Variants in OR3A2 observed in about 807,000 individuals in gnomAD.
The protein encoded by OR3A2 is olfactory receptor 3A2.
For synonymous variants in OR3A2, 126 were observed against 159.3 expected (o/e 0.79, Z 1.57); for missense variants, 318 against 392.8 (o/e 0.81, Z 1.61).
chr17:3,301,918 C>T (rs2048969154), intron 3 of OR3A2, among the ~76,000 whole-genome samples: 1 of 152,028 alleles, frequency 6.6e-6, no homozygotes, highest in South Asian at 2.1e-4. Context: ...ATTCCTATAA[C>T]AGACAAGCAG....
chr17:3,345,983 GATGA>G (rs1230431010), intron 2 of OR3A2, among the ~76,000 whole-genome samples: 1 of 152,156 alleles, frequency 6.6e-6, no homozygotes, highest in Non-Finnish European at 1.5e-5. Flanking sequence ...ACATGCAAAG[GATGA>G]ATGAAAGGAT....
Position 3,344,500 on chromosome 17 carries a change from G to T in OR3A2, c.-178-8374C>A, listed in dbSNP as rs1021357385. ...CATCTAGACACAAAAGTCCCTCTCC[G>T]ATTCCCTTCTCTTCTGGGAGTTCTC... is the stretch of plus-strand genomic sequence containing the variant. On this transcript the variant is annotated intron_variant, in intron 2 of 4. Transcript: ENST00000573491. Among the ~76,000 whole-genome samples the T allele has an allele frequency of 2.6e-5, 4 of 152,012 alleles. No individual in the cohort carries two copies. In the East Asian group the frequency reaches 7.7e-4, roughly 29 times the overall value.
At chr17:3,322,535 T>TGG (rs1290636590) in intron 3 of OR3A2, among the ~76,000 whole-genome samples, 1 of 152,208 alleles carries the variant, frequency 6.6e-6, no homozygotes, top group Non-Finnish European at 1.5e-5. Flanking sequence ...CTTTACACAC[T>TGG]GCTTTGAATG....
rs924351701 is a variant in OR3A2 at position 3,357,767 on chromosome 17, G to C, written c.-178-21641C>G. Among the ~76,000 whole-genome samples, 23 of 151,570 alleles carry C rather than the reference G, an allele frequency of 1.5e-4. 1 individual carries two copies. Among genetic ancestry groups the C allele is most frequent in the African/African-American group, 5.4e-4 (22 of 41,010 alleles). On this transcript the variant is annotated intron_variant, in intron 2 of 4. Transcript: ENST00000573491. ...AGGGTCTTGCTATGATGCCCAGGTTGGTCTCAAACTCCTGGCCTGAAGCAA... is the reference window on the plus strand; with the variant it reads ...AGGGTCTTGCTATGATGCCCAGGTTCGTCTCAAACTCCTGGCCTGAAGCAA...
At chr17:3,347,673 C>G (rs908803010) in intron 2 of OR3A2, among the ~76,000 whole-genome samples, 1 of 152,066 alleles carries the variant, frequency 6.6e-6, no homozygotes, top group African/African-American at 2.4e-5. Flanking sequence ...GTTCCAAGTC[C>G]TTGCTATTGT....
At chr17:3,287,023 T>G (rs187907013), upstream of OR3A2, among the ~76,000 whole-genome samples, 1 of 152,346 alleles carries the variant, frequency 6.6e-6, no homozygotes, top group African/African-American at 2.4e-5. Context: ...GCCTAGATTT[T>G]CTTCTAGGGT....
intron 3 of OR3A2, among the ~76,000 whole-genome samples, chr17:3,305,828 G>GGACA (rs2048995758): frequency 1.3e-5 from 2 of 152,334 alleles, no homozygotes; most frequent in Non-Finnish European, 2.9e-5. Context: ...GTGGACACGT[G>GGACA]CATAGGAATA....
At chr17:3,378,154 G>A (rs2049700228) in intron 2 of OR3A2, among the ~76,000 whole-genome samples, 1 of 152,132 alleles carries the variant, frequency 6.6e-6, no homozygotes, top group Admixed American at 6.5e-5. Flanking sequence ...TCCCACCTAG[G>A]AACCTGTCTG....
At chr17:3,348,604 C>G (rs557286463) in intron 2 of OR3A2, among the ~76,000 whole-genome samples, 7 of 152,258 alleles carry the variant, frequency 4.6e-5, no homozygotes, top group African/African-American at 7.2e-5. Flanking sequence ...GGAAAACACT[C>G]TGCAGGATAT....
intron 2 of OR3A2, among the ~76,000 whole-genome samples, chr17:3,342,320 C>G (rs1036796853): frequency 6.6e-6 from 1 of 152,212 alleles, no homozygotes; most frequent in African/African-American, 2.4e-5. Flanking sequence ...TGGCGAGGAG[C>G]TGCAATCCTT....
chr17:3,348,282 G>C (rs1451521584), intron 2 of OR3A2, among the ~76,000 whole-genome samples: 1 of 152,064 alleles, frequency 6.6e-6, no homozygotes, highest in Non-Finnish European at 1.5e-5. Flanking sequence ...GGCTTTTGTT[G>C]CCATTGCTTT....
chr17:3,362,036 C>T (rs569086723), intron 2 of OR3A2, among the ~76,000 whole-genome samples: 3 of 151,682 alleles, frequency 2.0e-5, no homozygotes, highest in South Asian at 2.1e-4. Flanking sequence ...GCTGTGAATC[C>T]GTCTAGTCCT....
At chr17:3,359,501 G>A (rs1051328438) in intron 2 of OR3A2, among the ~76,000 whole-genome samples, 1 of 151,714 alleles carries the variant, frequency 6.6e-6, no homozygotes, top group Non-Finnish European at 1.5e-5. Flanking sequence ...TTGCTTATCT[G>A]AAAAGGAACA....
chr17:3,338,569 A>C (rs1176591456), intron 2 of OR3A2, among the ~76,000 whole-genome samples: 3 of 152,160 alleles, frequency 2.0e-5, no homozygotes, highest in Non-Finnish European at 2.9e-5. Context: ...TTTATCAAAG[A>C]TCAGATGGTT....
chr17:3,291,980 C>T, intron 3 of OR3A2: 3 of 1,614,222 alleles, frequency 1.9e-6, no homozygotes, highest in Non-Finnish European at 2.5e-6. Flanking sequence ...CAGCAAAAAG[C>T]AGCAGCTCAT....
chr17:3,279,238 G>T (rs193242116), intron 1 of OR3A2, 85 bp from the exon 4 acceptor site: 3 of 407,564 alleles, frequency 7.4e-6, no homozygotes, highest in South Asian at 9.4e-5. Context: ...CTCGCCACAG[G>T]GGGGAAATGG....
intron 3 of OR3A2, among the ~76,000 whole-genome samples, chr17:3,325,842 A>T (rs945864725): frequency 6.6e-5 from 10 of 151,988 alleles, no homozygotes; most frequent in Non-Finnish European, 1.5e-4. Flanking sequence ...GGTTTATTAC[A>T]TAGGTAGATG....
intron 3 of OR3A2, among the ~76,000 whole-genome samples, chr17:3,320,857 T>TGTGG (rs1452570416): frequency 3.9e-5 from 6 of 151,998 alleles, no homozygotes; most frequent in Non-Finnish European, 5.9e-5. Flanking sequence ...GACTTGGCGG[T>TGTGG]GCGGGCTCTT....
intron 2 of OR3A2, among the ~76,000 whole-genome samples, chr17:3,365,302 G>C (rs908418690): frequency 1.3e-5 from 2 of 152,090 alleles, no homozygotes. Context: ...AGTAAATTAG[G>C]AAAAAATAAT....
Sources: allele counts gnomAD v4.1 joint callset (sites outside exome capture counted in the v4.1 genomes callset), GRCh38; gene constraint gnomAD v4.1.1; transcripts MANE v1.5; gene names NCBI Gene and HGNC (gene_info 2026-07-23, HGNC 2026-07-21).